SERPINB2: variants seen among roughly 807,000 people sequenced by gnomAD.
SERPINB2 encodes plasminogen activator inhibitor 2.
A neutral mutation model predicts 39.4 loss-of-function variants in SERPINB2; 28 were observed. The observed-to-expected ratio is 0.71, with a 90% CI of 0.53 to 0.97. SERPINB2 has a LOEUF of 0.97. Among genes scored for constraint, SERPINB2 ranks in the 50% least tolerant of loss-of-function variants. SERPINB2 has a pLI of 0.00. For synonymous variants in SERPINB2, 209 were observed against 175.1 expected, an observed-to-expected ratio of 1.19 and a Z score of -1.53; for missense variants, 557 against 505.3, an observed-to-expected ratio of 1.10 and a Z score of -0.98.
At chr18:63,895,913 C>A (rs2049956670) in intron 3 of SERPINB2, among the ~76,000 whole-genome samples, 1 of 150,368 alleles carries the variant, frequency 6.7e-6, no homozygotes, top group Non-Finnish European at 1.5e-5. Context: ...TATGAATCAT[C>A]TATTTATCAT....
At chr18:63,891,904 T>G (rs2049929135) in intron 2 of SERPINB2, among the ~76,000 whole-genome samples, 3 of 152,140 alleles carry the variant, frequency 2.0e-5, no homozygotes. Flanking sequence ...ATATTCTTAT[T>G]TTTCAAAGTT....
chr18:63,890,134 A>G (rs1045162136), intron 1 of SERPINB2: 7 of 152,190 alleles, frequency 4.6e-5, no homozygotes, highest in African/African-American at 1.4e-4. Context: ...TTAATTTACT[A>G]TTTTTGTCTT....
chr18:63,889,890 G>A (rs566727067), intron 1 of SERPINB2: 1 of 152,034 alleles, frequency 6.6e-6, no homozygotes, highest in Admixed American at 6.6e-5. Context: ...GTGAAGCTAT[G>A]CACCACCGAG....
intron 2 of SERPINB2, among the ~76,000 whole-genome samples, chr18:63,894,748 A>T (rs1461016908): frequency 6.6e-6 from 1 of 152,236 alleles, no homozygotes; most frequent in Non-Finnish European, 1.5e-5. Flanking sequence ...TTCTCTGTGT[A>T]TGAATATGGT....
Position 63,891,776 on chromosome 18 carries a change from A to G in SERPINB2, c.168+164A>G, listed in dbSNP as rs1054459128. Among the ~76,000 whole-genome samples the G allele has an allele frequency of 2.6e-5, 4 of 152,258 alleles. No homozygotes were observed. The East Asian group carries it at 7.7e-4, about 29-fold the overall frequency. ...ACACAAATTCCTTAGATTCAAATCT[A>G]TAAGACAGCCAAGCCCCCGAATCCC... On this transcript the variant is annotated intron_variant, in intron 2 of 7. Transcript: ENST00000299502.
chr18:63,894,942 T>C (rs2049949503), intron 2 of SERPINB2, among the ~76,000 whole-genome samples: 1 of 152,160 alleles, frequency 6.6e-6, no homozygotes, highest in African/African-American at 2.4e-5. Context: ...CATTTTTTTT[T>C]CAAGACCATT....
At chr18:63,891,340 C>T (rs2049924402) in intron 1 of SERPINB2, 96 bp from the exon 2 acceptor site, 11 of 1,260,458 alleles carry the variant, frequency 8.7e-6, no homozygotes, top group African/African-American at 1.5e-5. Context: ...GAATCTGTCC[C>T]TACACAGAAT....
At chr18:63,899,321 G>A (rs1346823939) in intron 5 of SERPINB2, among the ~76,000 whole-genome samples, 2 of 152,020 alleles carry the variant, frequency 1.3e-5, no homozygotes. Context: ...TTTCCTCTCA[G>A]GCTCTAATTA....
intron 2 of SERPINB2, chr18:63,892,714 A>G (rs2049934685): frequency 6.6e-6 from 1 of 152,176 alleles, no homozygotes; most frequent in African/African-American, 2.4e-5. Context: ...GCATTGGCCA[A>G]TATTGCTGCA....
At chr18:63,893,066 G>A (rs2049937057) in intron 2 of SERPINB2, among the ~76,000 whole-genome samples, 1 of 152,010 alleles carries the variant, frequency 6.6e-6, no homozygotes. Flanking sequence ...CCGAGTAGCT[G>A]GGATTACAGG....
chr18:63,898,452 A>G (rs1203046635), intron 5 of SERPINB2, among the ~76,000 whole-genome samples: 2 of 152,218 alleles, frequency 1.3e-5, no homozygotes, highest in Non-Finnish European at 2.9e-5. Context: ...TCATTTATTC[A>G]TTGTAATTTA....
chr18:63,899,631 G>A (rs2049980369), intron 5 of SERPINB2, among the ~76,000 whole-genome samples: 1 of 152,178 alleles, frequency 6.6e-6, no homozygotes, highest in African/African-American at 2.4e-5. Flanking sequence ...CAGGGGATTA[G>A]CCGGCTCCCC....
intron 5 of SERPINB2, 51 bp downstream of exon 5, chr18:63,897,895 A>G (rs1215228164): frequency 7.9e-7 from 1 of 1,269,602 alleles, no homozygotes; most frequent in Non-Finnish European, 1.1e-6. Flanking sequence ...GAAAACTCTG[A>G]TCTATCTTTT....
At position 63,903,042 on chromosome 18, in the gene SERPINB2, A is replaced by T; in HGVS notation, c.985A>T (p.Met329Leu). Residue 329 changes from methionine to leucine, a missense_variant, in exon 8 of 8, where the codon ATG (methionine) becomes TTG (leucine). Physicochemically the swap from Met to Leu is conservative, Grantham distance 15 (BLOSUM62 2). Coordinates refer to ENST00000299502, the MANE Select transcript of SERPINB2 (RefSeq NM_002575.3). Reference sequence around the variant, plus strand: ...CAGATCCATTCTGAGAAGCATGGGCATGGAGGACGCCTTCAACAAGGGACG... The same window carrying T: ...CAGATCCATTCTGAGAAGCATGGGCTTGGAGGACGCCTTCAACAAGGGACG... ...ELRSILRSMG[M>L]EDAFNKGRAN... is the part of the protein sequence containing the mutation. 1.2e-6 allele frequency: 2 copies of T among 1,613,862 alleles called. No individual in the cohort carries two copies. Among genetic ancestry groups the T allele is most frequent in the Non-Finnish European group, 1.7e-6 (2 of 1,179,818 alleles).
At chr18:63,893,590 T>A (rs1356900796) in intron 2 of SERPINB2, among the ~76,000 whole-genome samples, 1 of 152,250 alleles carries the variant, frequency 6.6e-6, no homozygotes, top group African/African-American at 2.4e-5. Context: ...GACAGACGTA[T>A]CTGTGTTTGA....
At chr18:63,894,654 C>T (rs2049947460) in intron 2 of SERPINB2, among the ~76,000 whole-genome samples, 1 of 152,178 alleles carries the variant, frequency 6.6e-6, no homozygotes, top group Non-Finnish European at 1.5e-5. Flanking sequence ...GCCAGCTTCC[C>T]CGTGTCAGCC....
chr18:63,894,621 C>T (rs1343424547), intron 2 of SERPINB2, among the ~76,000 whole-genome samples: 1 of 152,172 alleles, frequency 6.6e-6, no homozygotes, highest in Non-Finnish European at 1.5e-5. Context: ...TCTGAGGAAG[C>T]TTCAGAGGGG....
Position 63,891,557 on chromosome 18 carries a change from C to A in SERPINB2, c.113C>A (p.Thr38Asn), listed in dbSNP as rs748518021. 6.2e-7 allele frequency: 1 copy of A among 1,614,198 alleles called. No individual in the cohort carries two copies. The highest frequency in any genetic ancestry group is 1.1e-5 in the South Asian group (1 of 91,076). The change falls in exon 2 of 8, where the codon ACC becomes AAC. Residue 38 changes from threonine (T) to asparagine (N), a missense_variant. Physicochemically the swap from Thr to Asn is moderately conservative, Grantham distance 65. Coordinates refer to ENST00000299502, the MANE Select transcript of SERPINB2 (RefSeq NM_002575.3). ...CTCTCCCCATGGAGCATCTCGTCCA[C>A]CATGGCCATGGTCTACATGGGCTCC... ...LFLSPWSISSTMAMVYMGSRG... is the reference protein window; with the variant it reads ...LFLSPWSISSNMAMVYMGSRG...
intron 3 of SERPINB2, among the ~76,000 whole-genome samples, chr18:63,895,910 C>G (rs1289825004): frequency 6.6e-6 from 1 of 150,482 alleles, no homozygotes; most frequent in African/African-American, 2.5e-5. Context: ...TTTTATGAAT[C>G]ATCTATTTAT....
Sources: gnomAD v4.1 joint callset for allele counts (sites outside exome capture counted in the v4.1 genomes callset) on GRCh38, gnomAD v4.1.1 for gene constraint, MANE v1.5 for transcripts, NCBI Gene and HGNC (gene_info 2026-07-23, HGNC 2026-07-21) for gene names.